ATAD2B: variants seen among roughly 807,000 people sequenced by gnomAD.
ATAD2B encodes the protein ATPase family AAA domain containing 2B, also known as ATPase family AAA domain-containing protein 2B.
A neutral mutation model predicts 167.6 loss-of-function variants in ATAD2B; 40 were observed. The observed-to-expected ratio is 0.24, with a 90% CI of 0.19 to 0.31. The LOEUF is 0.31. Among genes scored for constraint, ATAD2B ranks in the 10% least tolerant of loss-of-function variants. ATAD2B has a pLI of 1.00. For synonymous variants in ATAD2B, 579 were observed against 596.5 expected (o/e 0.97, Z 0.43); for missense variants, 1,242 against 1,757.2 (o/e 0.71, Z 5.24).
intron 22 of ATAD2B, among the ~76,000 whole-genome samples, chr2:23,775,539 T>G (rs1424486653): frequency 2.0e-5 from 3 of 152,158 alleles, no homozygotes; most frequent in Non-Finnish European, 4.4e-5. Context: ...AAACGATATG[T>G]GATTTTAAAA....
At chr2:23,897,914 C>A (rs1700339438) in intron 1 of ATAD2B, among the ~76,000 whole-genome samples, 2 of 152,190 alleles carry the variant, frequency 1.3e-5, no homozygotes, top group Non-Finnish European at 2.9e-5. Flanking sequence ...GTGCTCTCAG[C>A]AGAGAGAGCT....
chr2:23,805,888 A>G (rs1374784102), intron 18 of ATAD2B, among the ~76,000 whole-genome samples: 2 of 149,566 alleles, frequency 1.3e-5, no homozygotes, highest in African/African-American at 4.9e-5. Context: ...ATTTTCCCCC[A>G]TAAATAGCAT....
the ATAD2B span, among the ~76,000 whole-genome samples, chr2:23,738,846 T>G: frequency 6.6e-6 from 1 of 151,998 alleles, no homozygotes; most frequent in Non-Finnish European, 1.5e-5. Context: ...AATAAAGGGA[T>G]GGAGGAAGAT....
chr2:23,868,631 T>C (rs575640325), intron 9 of ATAD2B, among the ~76,000 whole-genome samples: 7 of 152,228 alleles, frequency 4.6e-5, no homozygotes, highest in Non-Finnish European at 1.0e-4. Context: ...TACTCAGTTA[T>C]ATGATTGAAA....
At chr2:23,901,712 T>C (rs984734746) in intron 1 of ATAD2B, among the ~76,000 whole-genome samples, 2 of 152,280 alleles carry the variant, frequency 1.3e-5, no homozygotes, top group East Asian at 1.9e-4. Flanking sequence ...GGCTTTTTGC[T>C]GCAAAACTTC....
chr2:23,794,749 C>A (rs1181744940), intron 19 of ATAD2B, among the ~76,000 whole-genome samples: 1 of 151,256 alleles, frequency 6.6e-6, no homozygotes, highest in Non-Finnish European at 1.5e-5. Context: ...TATACTATTA[C>A]CAAAATAGTA....
chr2:23,752,150 G>T, intron 27 of ATAD2B, 63 bp from the exon 28 acceptor site: 3 of 1,201,640 alleles, frequency 2.5e-6, no homozygotes, highest in South Asian at 1.3e-5. Context: ...TCCTCATTAC[G>T]GAAGAATTCA....
At chr2:23,722,387 A>C in the ATAD2B span, among the ~76,000 whole-genome samples, 1 of 152,218 alleles carries the variant, frequency 6.6e-6, no homozygotes. Context: ...AAGTTTAACA[A>C]AGAGGTAGTT....
intron 22 of ATAD2B, among the ~76,000 whole-genome samples, chr2:23,775,894 G>A (rs1408373640): frequency 6.6e-6 from 1 of 152,154 alleles, no homozygotes; most frequent in Non-Finnish European, 1.5e-5. Flanking sequence ...AAGGCAGGCA[G>A]ATCACAAGGT....
chr2:23,822,618 G>C (rs1687617629), intron 16 of ATAD2B, among the ~76,000 whole-genome samples: 1 of 149,648 alleles, frequency 6.7e-6, no homozygotes, highest in African/African-American at 2.5e-5. Flanking sequence ...CTGCAAGCCT[G>C]TTAAGAGGAT....
At chr2:23,872,770 A>G (rs1696201226) in intron 8 of ATAD2B, 1 of 937,130 alleles carries the variant, frequency 1.1e-6, no homozygotes, top group East Asian at 2.4e-5. Context: ...TCCTCACTAC[A>G]GGCAACCACA....
intron 1 of ATAD2B, among the ~76,000 whole-genome samples, chr2:23,908,904 C>A (rs1213357076): frequency 6.8e-6 from 1 of 146,818 alleles, no homozygotes; most frequent in Non-Finnish European, 1.5e-5. Context: ...AAACAAACAC[C>A]GCATATTCTC....
intron 22 of ATAD2B, among the ~76,000 whole-genome samples, chr2:23,771,561 G>A (rs72780118): frequency 0.12 from 18,187 of 152,168 alleles, 1,161 homozygotes; most frequent in Middle Eastern, 0.21. Flanking sequence ...CTGGTTTAGA[G>A]CATCTACTTT....
chr2:23,691,617 G>T, the ATAD2B span: 4 of 1,439,760 alleles, frequency 2.8e-6, no homozygotes. Flanking sequence ...GCCCTGTGAG[G>T]AAGCGGCACG....
chr2:23,782,660 C>T (rs918781467), intron 22 of ATAD2B, among the ~76,000 whole-genome samples: 1 of 152,138 alleles, frequency 6.6e-6, no homozygotes, highest in Non-Finnish European at 1.5e-5. Flanking sequence ...AATGAAGAAA[C>T]AAACCCCTGA....
the ATAD2B span, among the ~76,000 whole-genome samples, chr2:23,712,504 G>A: frequency 1.3e-5 from 2 of 152,184 alleles, no homozygotes; most frequent in Non-Finnish European, 2.9e-5. Context: ...GACTCTCAAG[G>A]AGTTCCTCAC....
intron 27 of ATAD2B, among the ~76,000 whole-genome samples, chr2:23,752,636 G>A (rs989561239): frequency 2.6e-5 from 4 of 152,078 alleles, no homozygotes; most frequent in African/African-American, 9.7e-5. Context: ...ACAGGTGGCA[G>A]TCAGGATTTG....
At chr2:23,681,723 A>T in the ATAD2B span, among the ~76,000 whole-genome samples, 1 of 152,178 alleles carries the variant, frequency 6.6e-6, no homozygotes, top group Non-Finnish European at 1.5e-5. The surrounding 1 kb of genome is among the most constrained non-coding windows in gnomAD (Gnocchi z 4.2). Context: ...CTGGAACAAG[A>T]ACCAGGATCC....
intron 1 of ATAD2B, among the ~76,000 whole-genome samples, chr2:23,908,011 C>T (rs574046268): frequency 1.8e-4 from 27 of 151,974 alleles, no homozygotes; most frequent in South Asian, 4.1e-4. Context: ...AAGACTTAAG[C>T]GTTAGACCTA....
Sources: gnomAD v4.1 joint callset for allele counts (sites outside exome capture counted in the v4.1 genomes callset) on GRCh38, gnomAD v4.1.1 for gene constraint, Gnocchi (gnomAD v3.1) non-coding constraint, MANE v1.5 for transcripts, NCBI Gene and HGNC (gene_info 2026-07-23, HGNC 2026-07-21) for gene names.